Variants in SLC35F2 observed in about 807,000 individuals in gnomAD.
SLC35F2 encodes the protein solute carrier family 35 member F2, also known as queuine/queuosine transporter SLC35F2.
SLC35F2 carries 25 observed loss-of-function variants against 38.1 expected under a neutral mutation model. The observed-to-expected ratio is 0.66, with a 90% confidence interval of 0.48 to 0.92. The LOEUF (loss-of-function observed/expected upper bound fraction) is 0.92. Ranked by LOEUF, SLC35F2 falls within the 40% of genes least tolerant of loss-of-function variation. SLC35F2 has a pLI of 0.00. For missense variants in SLC35F2, 409 were observed against 452.9 expected (o/e 0.90, Z 0.88); for synonymous variants, 173 against 181.7 (o/e 0.95, Z 0.38).
chr11:107,818,554 C>T (rs1758760190), intron 1 of SLC35F2, among the ~76,000 whole-genome samples: 1 of 152,148 alleles, frequency 6.6e-6, no homozygotes, highest in African/African-American at 2.4e-5. Context: ...TATCCCTAAG[C>T]AACAAATAGT....
chr11:107,834,528 T>C (rs1348731488), intron 1 of SLC35F2, among the ~76,000 whole-genome samples: 2 of 152,060 alleles, frequency 1.3e-5, no homozygotes, highest in African/African-American at 4.8e-5. Flanking sequence ...CGCATGTCTG[T>C]AAACCCAGCT....
At chr11:107,808,543 G>A (rs1859431782) in intron 3 of SLC35F2, among the ~76,000 whole-genome samples, 1 of 151,992 alleles carries the variant, frequency 6.6e-6, no homozygotes, top group Non-Finnish European at 1.5e-5. Context: ...TTCAAACCTT[G>A]TCCCTGATTC....
intron 1 of SLC35F2, among the ~76,000 whole-genome samples, chr11:107,820,669 C>T (rs896967831): frequency 4.6e-5 from 7 of 152,012 alleles, no homozygotes; most frequent in African/African-American, 1.7e-4. Context: ...TAGAAAACCC[C>T]TTCAGGCTGG....
intron 1 of SLC35F2, among the ~76,000 whole-genome samples, chr11:107,827,113 G>C (rs1476171843): frequency 1.3e-5 from 2 of 152,058 alleles, no homozygotes; most frequent in African/African-American, 4.8e-5. Flanking sequence ...AGATTGAAGA[G>C]GTTGAGTTAA....
intron 1 of SLC35F2, among the ~76,000 whole-genome samples, chr11:107,837,454 G>A (rs886376961): frequency 1.3e-4 from 19 of 151,220 alleles, no homozygotes; most frequent in African/African-American, 4.1e-4. Context: ...TTGGGAGGCC[G>A]AGGCAGGTGG....
intron 1 of SLC35F2, among the ~76,000 whole-genome samples, chr11:107,853,101 C>T (rs982888039): frequency 6.6e-6 from 1 of 152,098 alleles, no homozygotes; most frequent in Non-Finnish European, 1.5e-5. Context: ...ACTTGAAGTT[C>T]CTTAAGCAAA....
At chr11:107,810,935 T>C in intron 3 of SLC35F2, 2 of 973,056 alleles carry the variant, frequency 2.1e-6, no homozygotes, top group Non-Finnish European at 2.4e-6. Flanking sequence ...ATCCCACATC[T>C]GATACACACT....
chr11:107,826,849 T>C (rs1859760908), intron 1 of SLC35F2, among the ~76,000 whole-genome samples: 1 of 152,178 alleles, frequency 6.6e-6, no homozygotes. Flanking sequence ...CAAAAAGAAC[T>C]GTACAATAGC....
chr11:107,834,609 T>C (rs2134830466), intron 1 of SLC35F2, among the ~76,000 whole-genome samples: 1 of 152,186 alleles, frequency 6.6e-6, no homozygotes, highest in Non-Finnish European at 1.5e-5. Context: ...GAGATCGCGC[T>C]ATTGCACTCC....
rs1459107508 is a variant in SLC35F2 at position 107,805,003 on chromosome 11, G to C, written c.732-233C>G. The stretch of plus-strand genomic sequence containing the variant: ...GCTCTGAAATAATAGTCAAGTATAG[G>C]AGGAAAATATGATATTATGCTTTGT... On this transcript the variant is annotated intron_variant, in intron 5 of 7. Coordinates refer to ENST00000525815, the MANE Select transcript of SLC35F2 (RefSeq NM_017515.5). The C allele has an allele frequency of 3.1e-6, 3 of 972,094 alleles. No individual in the cohort carries two copies. The East Asian group carries it at 3.4e-4, about 111-fold the overall frequency. 60.2% of individuals were successfully genotyped at this position (972,094 alleles called of 1,614,324 possible). A position where few individuals can be genotyped will look rare whatever the true frequency, so the allele number is the denominator to read the frequency against.
chr11:107,834,258 G>A (rs1859895624), intron 1 of SLC35F2, among the ~76,000 whole-genome samples: 1 of 152,118 alleles, frequency 6.6e-6, no homozygotes, highest in Non-Finnish European at 1.5e-5. Flanking sequence ...TGATTAAAGA[G>A]ACAAACAGGG....
chr11:107,811,556 T>C, intron 3 of SLC35F2, 111 bp downstream of exon 3: 1 of 1,014,640 alleles, frequency 9.9e-7, no homozygotes, highest in Non-Finnish European at 1.4e-6. Context: ...CACCTGTGTT[T>C]AGGTTTTCTT....
At chr11:107,848,696 C>T (rs949715341) in intron 1 of SLC35F2, among the ~76,000 whole-genome samples, 10 of 152,178 alleles carry the variant, frequency 6.6e-5, no homozygotes, top group African/African-American at 2.2e-4. Context: ...ATCCAGTGTA[C>T]AGTATTATTG....
At chr11:107,820,305 G>A (rs1859648022) in intron 1 of SLC35F2, among the ~76,000 whole-genome samples, 1 of 150,916 alleles carries the variant, frequency 6.6e-6, no homozygotes, top group African/African-American at 2.4e-5. Context: ...GGGAGGGAGG[G>A]GAAGGAAGGA....
intron 1 of SLC35F2, among the ~76,000 whole-genome samples, chr11:107,852,445 G>C (rs1860201475): frequency 6.6e-6 from 1 of 152,044 alleles, no homozygotes; most frequent in Non-Finnish European, 1.5e-5. Flanking sequence ...CAGCTACTCG[G>C]GAGGCTGAGG....
At chr11:107,800,883 T>C (rs1409143061) in intron 7 of SLC35F2, among the ~76,000 whole-genome samples, 1 of 150,566 alleles carries the variant, frequency 6.6e-6, no homozygotes, top group Non-Finnish European at 1.5e-5. Flanking sequence ...GAAGAATCTA[T>C]ACAGTGAAAG....
chr11:107,815,227 T>TG (rs1213180350), intron 2 of SLC35F2, among the ~76,000 whole-genome samples: 11 of 149,362 alleles, frequency 7.4e-5, no homozygotes, highest in Non-Finnish European at 1.3e-4. Flanking sequence ...TTTTTAAAAT[T>TG]GGGGGGGAAA....
At chr11:107,834,137 G>C (rs117327378) in intron 1 of SLC35F2, among the ~76,000 whole-genome samples, 2 of 152,136 alleles carry the variant, frequency 1.3e-5, no homozygotes, top group African/African-American at 2.4e-5. Flanking sequence ...AACTCCTTGC[G>C]GAAGGGGATT....
At chr11:107,795,259 A>T (rs1340140068) in intron 7 of SLC35F2, among the ~76,000 whole-genome samples, 1 of 152,208 alleles carries the variant, frequency 6.6e-6, no homozygotes, top group Non-Finnish European at 1.5e-5. Context: ...CCAAAACAGC[A>T]TGGTATTAGT....
Sources: gnomAD v4.1 joint callset for allele counts (sites outside exome capture counted in the v4.1 genomes callset) on GRCh38, gnomAD v4.1.1 for gene constraint, MANE v1.5 for transcripts, NCBI Gene and HGNC (gene_info 2026-07-23, HGNC 2026-07-21) for gene names.